Variants in DLG4 observed in about 807,000 individuals in gnomAD.
DLG4 encodes the protein disks large homolog 4.
Under a neutral mutation model 93.8 loss-of-function variants are expected in DLG4, and 7 were observed. The observed-to-expected ratio is 0.07, with a 90% confidence interval of 0.04 to 0.14. The LOEUF is 0.14. DLG4 is among the 10% of genes least tolerant of loss of function. The probability of loss-of-function intolerance (pLI) is 1.00; values close to 1 mark genes in which losing one functional copy is unlikely to be tolerated. For synonymous variants in DLG4, 341 were observed against 387.6 expected, an observed-to-expected ratio of 0.88 and a Z score of 1.41; for missense variants, 545 against 992.9, an observed-to-expected ratio of 0.55 and a Z score of 6.06.
chr17:7,191,168 C>T lies in DLG4; in HGVS notation c.2068+99G>A. The T allele has an allele frequency of 3.4e-6, 4 of 1,167,134 alleles. No individual in the cohort carries two copies. The allele number at this position is 1,167,134 out of a possible 1,614,324, so 72.3% of individuals were successfully genotyped here. On this transcript the variant is annotated intron_variant, in intron 19 of 19. Coordinates refer to ENST00000399506, the MANE Select transcript of DLG4 (RefSeq NM_001321075.3). The surrounding 1 kb of genome is among the most constrained non-coding windows in gnomAD (Gnocchi z 6.6). ...AGCCACCATGCCGCGCCCACAGGGGCACCTCTTTCTAAGCCATCCACTGGG... is the reference window on the plus strand; with the variant it reads ...AGCCACCATGCCGCGCCCACAGGGGTACCTCTTTCTAAGCCATCCACTGGG...
Position 7,188,324 on chromosome 17 carries a change from C to T in DLG4, c.*2384G>A, listed in dbSNP as rs1000404312. On this transcript the variant is annotated 3_prime_UTR_variant, in exon 20 of 20. Coordinates refer to ENST00000399506, the MANE Select transcript of DLG4 (RefSeq NM_001321075.3). Reference sequence around the variant, plus strand: ...CCATGCCATCCACAGAATCACTACCCCTGGGTTGGTCTTTTGCATGAAACT... The same window carrying T: ...CCATGCCATCCACAGAATCACTACCTCTGGGTTGGTCTTTTGCATGAAACT... Among the ~76,000 whole-genome samples the T allele has an allele frequency of 2.1e-4, 32 of 152,182 alleles. No individual in the cohort carries two copies. Among genetic ancestry groups the T allele is most frequent in the Admixed American group, 1.3e-4 (2 of 15,280 alleles).
intron 8 of DLG4, 72 bp from the exon 9 acceptor site, chr17:7,197,124 G>A (rs2069833979): frequency 3.4e-6 from 5 of 1,455,992 alleles, no homozygotes; most frequent in Non-Finnish European, 4.6e-6. Flanking sequence ...TCTCCCCAGG[G>A]TGCCAGAAGA....
Position 7,203,754 on chromosome 17 carries a change from G to A in DLG4, c.273C>T (p.Asp91=). ...TGATCTTGGTGATGAAAATGGATGG[G>A]TCGTCACCGATGTGTGGGTTGTCAG... The part of the protein sequence containing the change: ...GGTDNPHIGD[D]PSIFITKIIP... Residue 91 remains aspartate (D), a synonymous_variant, in exon 5 of 20, where the codon GAC becomes GAT. Coordinates refer to ENST00000399506, the MANE Select transcript of DLG4 (RefSeq NM_001321075.3). The surrounding 1 kb of genome is among the most constrained non-coding windows in gnomAD (Gnocchi z 7.2). 1.2e-6 allele frequency: 2 copies of A among 1,613,648 alleles called. No homozygotes were observed. The highest frequency in any genetic ancestry group is 1.1e-5 in the South Asian group (1 of 91,076).
rs868086620 is a variant in DLG4 at position 7,190,465 on chromosome 17, G to A, written c.*243C>T. On this transcript the variant is annotated 3_prime_UTR_variant, in exon 20 of 20. Coordinates refer to ENST00000399506, the MANE Select transcript of DLG4 (RefSeq NM_001321075.3). ...CGGGGATCCTAAGGAGCAAGGGCTC[G>A]GAACAAGGAGCCCAGCTCCCCCCCA... 1.2e-4 allele frequency: 62 copies of A among 524,352 alleles called. No individual in the cohort carries two copies. The highest frequency in any genetic ancestry group is 3.5e-4 in the Admixed American group (11 of 31,660). The allele number at this position is 524,352 out of a possible 1,614,324, so 32.5% of individuals were successfully genotyped here. A position where few individuals can be genotyped will look rare whatever the true frequency, so the allele number is the denominator to read the frequency against.
chr17:7,196,892 G>T lies in DLG4; in HGVS notation c.948C>A (p.Ile316=), dbSNP rs760593344. The T allele has an allele frequency of 6.2e-7, 1 of 1,613,870 alleles. No homozygotes were observed. Among genetic ancestry groups the T allele is most frequent in the Non-Finnish European group, 8.5e-7 (1 of 1,179,858 alleles). ...AGCCCAGGCCCGTGGAGCCCCGGTG[G>T]ATCACAATTCGCCTCGGTTCTCGGG... is the stretch of plus-strand genomic sequence containing the variant. ...DIPREPRRIV[I]HRGSTGLGFN... Residue 316 remains isoleucine, a synonymous_variant, in exon 9 of 20, where the codon ATC becomes ATA. Coordinates refer to ENST00000399506, the MANE Select transcript of DLG4 (RefSeq NM_001321075.3). The surrounding 1 kb of genome is among the most constrained non-coding windows in gnomAD (Gnocchi z 8.3).
rs1055383266 is a variant in DLG4 at position 7,200,453 on chromosome 17, A to G, written c.787+2450T>C. Among the ~76,000 whole-genome samples, 4 of 151,796 alleles carry G rather than the reference A, an allele frequency of 2.6e-5. No individual in the cohort carries two copies. The East Asian group carries it at 5.8e-4, about 22-fold the overall frequency. On this transcript the variant is annotated intron_variant, in intron 8 of 19. Transcript: ENST00000399506. ...TAATAATTTTATAGAAATTTTTTCT[A>G]TGGCAAAAGGGGGCTTTTTATTCAC... is the stretch of plus-strand genomic sequence containing the variant.
rs1275766586 is a variant in DLG4, at chr17:7,192,994, C to T, written c.1817G>A (p.Ser606Asn). Reference sequence around the variant, plus strand: ...CTGGACGCTGGTCCCATAGAGGTGGCTGTTGTACTGGCCGGCCTCAATGAA... The same window carrying T: ...CTGGACGCTGGTCCCATAGAGGTGGTTGTTGTACTGGCCGGCCTCAATGAA... ...HKFIEAGQYN[S>N]HLYGTSVQSV... Residue 606 changes from serine to asparagine, a missense_variant, in exon 17 of 20, where the codon AGC becomes AAC. Ser to Asn is a conservative substitution (Grantham distance 46). This residue lies in a region of DLG4 where 428 missense variants were observed against 741.4 expected (regional missense o/e 0.58). Coordinates refer to ENST00000399506, the MANE Select transcript of DLG4 (RefSeq NM_001321075.3). 25 of 1,613,710 alleles carry T rather than the reference C, an allele frequency of 1.5e-5. No individual in the cohort carries two copies. Among genetic ancestry groups the T allele is most frequent in the Non-Finnish European group, 2.0e-5 (24 of 1,179,730 alleles).
In DLG4 at chr17:7,191,152, G is replaced by T; in HGVS notation, c.2068+115C>A. On this transcript the variant is annotated intron_variant, in intron 19 of 19. Transcript: ENST00000399506. This position sits in a 1 kb window ranked among gnomAD's most constrained non-coding sequence, Gnocchi z 6.6. Reference sequence around the variant, plus strand: ...TGGGATTACAGGCGTGAGCCACCATGCCGCGCCCACAGGGGCACCTCTTTC... The same window carrying T: ...TGGGATTACAGGCGTGAGCCACCATTCCGCGCCCACAGGGGCACCTCTTTC... The T allele has an allele frequency of 2.1e-6, 2 of 934,020 alleles. No individual in the cohort carries two copies. The highest frequency in any genetic ancestry group is 3.3e-6 in the Non-Finnish European group (2 of 601,716). The allele number at this position is 934,020 out of a possible 1,614,324, so 57.9% of individuals were successfully genotyped here.
chr17:7,200,090 T>A (rs1445108137), intron 8 of DLG4, among the ~76,000 whole-genome samples: 1 of 152,238 alleles, frequency 6.6e-6, no homozygotes, highest in Non-Finnish European at 1.5e-5. Flanking sequence ...ACCACATGAT[T>A]TTAATATGGT....
intron 8 of DLG4, among the ~76,000 whole-genome samples, chr17:7,198,343 C>T (rs942985813): frequency 3.3e-5 from 5 of 151,900 alleles, no homozygotes; most frequent in African/African-American, 9.7e-5. Flanking sequence ...ATAGGCTGGG[C>T]GTGCTGGCTT....
chr17:7,194,594 T>G lies in DLG4; in HGVS notation c.1302-99A>C. 1 of 1,329,694 alleles carries G rather than the reference T, an allele frequency of 7.5e-7. No homozygotes were observed. Among genetic ancestry groups the G allele is most frequent in the Admixed American group, 2.4e-5 (1 of 41,710 alleles). 82.4% of individuals were successfully genotyped at this position (1,329,694 alleles called of 1,614,324 possible). On this transcript the variant is annotated intron_variant, in intron 11 of 19. Coordinates refer to ENST00000399506, the MANE Select transcript of DLG4 (RefSeq NM_001321075.3). This position sits in a 1 kb window ranked among gnomAD's most constrained non-coding sequence, Gnocchi z 4.4. The stretch of plus-strand genomic sequence containing the variant: ...CGGCCCAGAGGTCTGCAGATGGCAC[T>G]CCCATGGGAGCTATGGATGCCGAGG...
chr17:7,219,247 C>T, upstream of DLG4: 1 of 387,608 alleles, frequency 2.6e-6, no homozygotes, highest in East Asian at 1.1e-4. Context: ...GGGTAAGAGG[C>T]AGGAGAATTC....
At position 7,194,976 on chromosome 17, in the gene DLG4, G is replaced by A. The variant is rs944837808; in HGVS notation, c.1302-481C>T. On this transcript the variant is annotated intron_variant, in intron 11 of 19. Coordinates refer to ENST00000399506, the MANE Select transcript of DLG4 (RefSeq NM_001321075.3). The surrounding 1 kb of genome is among the most constrained non-coding windows in gnomAD (Gnocchi z 4.4). ...GGAGCTTGCAGTGAGCAGAGATCAC[G>A]CCACTGCACTCCAGCCTGGGCAACG... Among the ~76,000 whole-genome samples the A allele has an allele frequency of 1.3e-5, 2 of 149,244 alleles. No homozygotes were observed. The highest frequency in any genetic ancestry group is 3.0e-5 in the Non-Finnish European group (2 of 67,644).
upstream of DLG4, chr17:7,219,408 G>C: frequency 9.8e-7 from 1 of 1,016,142 alleles, no homozygotes. Flanking sequence ...TCTTCCTACT[G>C]TGAAACTGTA....
rs750473155 is a variant in DLG4, at chr17:7,208,145, G to A, written c.96+29C>T. ...CTCGAGGTGGGACAAGTTCCTCTCC[G>A]CCACGTGCACCAGCTCGGGGGCGTT... On this transcript the variant is annotated intron_variant, in intron 2 of 19. Transcript: ENST00000399506. The surrounding 1 kb of genome is among the most constrained non-coding windows in gnomAD (Gnocchi z 5.4). 3.8e-6 allele frequency: 5 copies of A among 1,318,894 alleles called. No individual in the cohort carries two copies. The African/African-American group carries it at 6.0e-5, about 16-fold the overall frequency. The allele number at this position is 1,318,894 out of a possible 1,614,324, so 81.7% of individuals were successfully genotyped here.
intron 1 of DLG4, among the ~76,000 whole-genome samples, chr17:7,215,857 G>A (rs1457654568): frequency 4.3e-5 from 4 of 93,610 alleles, no homozygotes; most frequent in Non-Finnish European, 6.5e-5. Context: ...TGACTCACCC[G>A]GACCCCGCCT....
chr17:7,202,619 C>T, intron 8 of DLG4: 2 of 517,266 alleles, frequency 3.9e-6, no homozygotes, highest in Non-Finnish European at 6.9e-6. Flanking sequence ...TTCCTGTACT[C>T]TGGAAGAGCA....
chr17:7,191,918 G>A lies in DLG4; in HGVS notation c.1951C>T (p.Arg651Cys), dbSNP rs1290892445. 10 of 1,489,520 alleles carry A rather than the reference G, an allele frequency of 6.7e-6. No homozygotes were observed. The highest frequency in any genetic ancestry group is 8.1e-6 in the Non-Finnish European group (9 of 1,116,918). The allele number at this position is 1,489,520 out of a possible 1,614,324, so 92.3% of individuals were successfully genotyped here. The change falls in exon 18 of 20, where the codon CGC (arginine) becomes TGC (cysteine). Residue 651 changes from arginine to cysteine, a missense_variant. Physicochemically the swap from Arg to Cys is radical, Grantham distance 180 (BLOSUM62 -3). Around this residue, in one of 5 missense-constraint regions of DLG4, gnomAD observed 428 missense variants for 741.4 expected, o/e 0.58. Transcript: ENST00000399506. This position sits in a 1 kb window ranked among gnomAD's most constrained non-coding sequence, Gnocchi z 6.6. ...AGCACATTCTCCAGGGAGCGGGGGC[G>A]GATGAAGATGGCGATGGGGTGCAGG... ...AHLHPIAIFI[R>C]PRSLENVLEI...
chr17:7,192,595 C>A, intron 17 of DLG4: 1 of 296,840 alleles, frequency 3.4e-6, no homozygotes, highest in Non-Finnish European at 6.3e-6. Flanking sequence ...GGGGAGAGGG[C>A]CAGCGGGGAG....
Sources: allele counts gnomAD v4.1 joint callset (sites outside exome capture counted in the v4.1 genomes callset), GRCh38; gene constraint gnomAD v4.1.1; regional missense constraint gnomAD v4.1.1; non-coding constraint Gnocchi (gnomAD v3.1); transcripts MANE v1.5; gene names NCBI Gene and HGNC (gene_info 2026-07-23, HGNC 2026-07-21).